MYH16: variants seen among roughly 807,000 people sequenced by gnomAD.
MYH16 encodes the protein putative uncharacterized protein MYH16.
At chr7:99,252,918 A>T (rs894265844) in intron 7 of MYH16, 6 of 152,750 alleles carry the variant, frequency 3.9e-5, no homozygotes, top group African/African-American at 1.2e-4. Context: ...GTGCAGCTAC[A>T]TAATCTGTGA....
chr7:99,265,863 A>G (rs1210712055), intron 17 of MYH16, among the ~76,000 whole-genome samples: 1 of 152,148 alleles, frequency 6.6e-6, no homozygotes, highest in Non-Finnish European at 1.5e-5. Context: ...TCAGGGTGGT[A>G]TGGCCATAGA....
exon 33 of MYH16, chr7:99,294,119 AAGT>A (rs1562785365): frequency 2.2e-6 from 1 of 456,458 alleles, no homozygotes; most frequent in Non-Finnish European, 4.4e-6. Flanking sequence ...CTCCAGGCAG[AAGT>A]TGAGGACCTC....
In MYH16 at chr7:99,241,514, C is replaced by T. The variant is rs1791666635; in HGVS notation, n.211-1764C>T. 2.0e-5 allele frequency among the ~76,000 whole-genome samples: 3 copies of T among 152,208 alleles called. No homozygotes were observed. The South Asian group carries it at 6.2e-4, about 32-fold the overall frequency. On this transcript the variant is annotated intron_variant and non_coding_transcript_variant, in intron 1 of 41. Transcript: ENST00000439784. ...AGGAGAATTGCCTGAACCCAGGAGG[C>T]GGAGGTTGCAGTGAGTTGAGATCAC...
chr7:99,284,199 C>T (rs1304142440), intron 25 of MYH16, among the ~76,000 whole-genome samples, 181 bp downstream of exon 7: 6 of 152,090 alleles, frequency 3.9e-5, no homozygotes, highest in Non-Finnish European at 7.4e-5. Context: ...GCAGGGAATG[C>T]CCAGTGTCAC....
At chr7:99,246,904 C>T (rs897292642) in intron 2 of MYH16, among the ~76,000 whole-genome samples, 4 of 152,024 alleles carry the variant, frequency 2.6e-5, no homozygotes, top group African/African-American at 9.7e-5. Context: ...TCCAACTTTA[C>T]GATGGGGCAA....
intron 1 of MYH16, among the ~76,000 whole-genome samples, chr7:99,242,280 T>G (rs927675507): frequency 6.6e-6 from 1 of 152,136 alleles, no homozygotes; most frequent in African/African-American, 2.4e-5. Flanking sequence ...TTTTTTCTTC[T>G]TTTCTTGCTT....
chr7:99,286,466 G>T (rs61740607), exon 28 of MYH16: 10,073 of 152,410 alleles, frequency 0.066, 527 homozygotes, highest in African/African-American at 0.15. Context: ...GACCTGTCCC[G>T]GGATCTTGAA....
chr7:99,262,363 C>T (rs1373310618), intron 13 of MYH16, among the ~76,000 whole-genome samples: 1 of 152,186 alleles, frequency 6.6e-6, no homozygotes, highest in African/African-American at 2.4e-5. Context: ...CTTTATGATA[C>T]CATCAACCAT....
At chr7:99,260,064 C>T in intron 11 of MYH16, 2 of 1,012,808 alleles carry the variant, frequency 2.0e-6, no homozygotes, top group Non-Finnish European at 2.9e-6. Flanking sequence ...AGTGGGCCCT[C>T]TGCAAAGTTT....
intron 21 of MYH16, among the ~76,000 whole-genome samples, chr7:99,278,244 C>T (rs1792146147): frequency 1.3e-5 from 2 of 152,116 alleles, no homozygotes; most frequent in African/African-American, 4.8e-5. Flanking sequence ...TGCCCAGCCT[C>T]CATCAAATTC....
At chr7:99,259,022 G>A (rs1029249063) in intron 11 of MYH16, among the ~76,000 whole-genome samples, 43 of 152,116 alleles carry the variant, frequency 2.8e-4, no homozygotes, top group Non-Finnish European at 5.7e-4. Context: ...GAGCAAGGGG[G>A]GAGGTGCCAA....
At chr7:99,241,321 G>A (rs1791664608) in intron 1 of MYH16, among the ~76,000 whole-genome samples, 1 of 152,150 alleles carries the variant, frequency 6.6e-6, no homozygotes, top group Non-Finnish European at 1.5e-5. Flanking sequence ...GGTGGGTCAC[G>A]CCTGTAATCC....
At chr7:99,293,955 T>G in intron 32 of MYH16, 63 bp from the exon 14 acceptor site, 1 of 395,342 alleles carries the variant, frequency 2.5e-6, no homozygotes, top group Non-Finnish European at 5.0e-6. Flanking sequence ...ACCCTGGCAG[T>G]GTGGAGATGG....
At chr7:99,250,114 G>A in intron 5 of MYH16, 1 of 152,720 alleles carries the variant, frequency 6.5e-6, no homozygotes, top group Non-Finnish European at 1.5e-5. Flanking sequence ...CCCGTCTTCA[G>A]GCTTCTGTGA....
intron 41 of MYH16, among the ~76,000 whole-genome samples, 181 bp from the exon 23 acceptor site, chr7:99,306,428 A>C (rs113014188): frequency 0.014 from 2,129 of 152,076 alleles, 41 homozygotes; most frequent in African/African-American, 0.049. Flanking sequence ...TTGGGAGGCT[A>C]AGGCAGGAGA....
At chr7:99,260,362 G>A in intron 12 of MYH16, 1 of 1,099,782 alleles carries the variant, frequency 9.1e-7, no homozygotes, top group Non-Finnish European at 1.3e-6. Flanking sequence ...GGAGGGATTG[G>A]AGAGAGGCCA....
chr7:99,253,410 G>C (rs1791834527), intron 7 of MYH16: 1 of 152,060 alleles, frequency 6.6e-6, no homozygotes, highest in Admixed American at 6.6e-5. Context: ...CTCCAGCCTG[G>C]GTAACGCAGC....
chr7:99,299,927 T>TTTTTTTTA (rs1554339989), intron 37 of MYH16, among the ~76,000 whole-genome samples: 132 of 138,230 alleles, frequency 9.5e-4, no homozygotes, highest in African/African-American at 3.2e-3. Flanking sequence ...TTTTATTTTA[T>TTTTTTTTA]TTTATTTATT....
chr7:99,287,100 C>T (rs1343814672), intron 28 of MYH16, among the ~76,000 whole-genome samples: 1 of 152,160 alleles, frequency 6.6e-6, no homozygotes, highest in Non-Finnish European at 1.5e-5. Flanking sequence ...TACTCTGGCT[C>T]CCATGGGAAG....
Sources: allele counts gnomAD v4.1 joint callset (sites outside exome capture counted in the v4.1 genomes callset), GRCh38; gene constraint gnomAD v4.1.1; transcripts MANE v1.5; gene names NCBI Gene and HGNC (gene_info 2026-07-23, HGNC 2026-07-21).